PRUNE2: variants seen among roughly 807,000 people sequenced by gnomAD.
The protein encoded by PRUNE2 is prune homolog 2 with BCH domain.
In PRUNE2, 164 loss-of-function variants were observed where a neutral mutation model predicts 252.0. The observed-to-expected ratio is 0.65, with a 90% CI of 0.57 to 0.74. The LOEUF (loss-of-function observed/expected upper bound fraction) is 0.74, where lower values mean the gene tolerates loss of function less well. PRUNE2 is among the 30% of genes least tolerant of loss of function. PRUNE2 has a pLI of 0.00. For missense variants in PRUNE2, 3,495 were observed against 3,711.0 expected (o/e 0.94, Z 1.51); for synonymous variants, 1,292 against 1,350.2 (o/e 0.96, Z 0.94).
At chr9:76,789,509 C>G (rs1166798638) in intron 6 of PRUNE2, among the ~76,000 whole-genome samples, 1 of 152,182 alleles carries the variant, frequency 6.6e-6, no homozygotes, top group Admixed American at 6.5e-5. Context: ...GAGGCCTCTC[C>G]TCTGCAAATA....
intron 1 of PRUNE2, among the ~76,000 whole-genome samples, chr9:76,864,902 C>T (rs2060751477): frequency 2.0e-5 from 3 of 152,174 alleles, no homozygotes; most frequent in Admixed American, 6.5e-5. Flanking sequence ...GGAACAATTG[C>T]CTTAAAGAGG....
intron 16 of PRUNE2, among the ~76,000 whole-genome samples, chr9:76,625,584 T>C (rs1834340799): frequency 6.6e-6 from 1 of 152,248 alleles, no homozygotes; most frequent in Admixed American, 6.5e-5. Flanking sequence ...TTTATAAATA[T>C]ATGCAGTCAA....
At chr9:76,732,040 C>T (rs767153871) in intron 6 of PRUNE2, among the ~76,000 whole-genome samples, 2 of 152,142 alleles carry the variant, frequency 1.3e-5, no homozygotes, top group Non-Finnish European at 2.9e-5. Context: ...CTTGGCCGGG[C>T]GCGGTGGCTC....
intron 2 of PRUNE2, among the ~76,000 whole-genome samples, chr9:76,853,655 T>C (rs918457066): frequency 5.3e-5 from 8 of 152,216 alleles, no homozygotes; most frequent in African/African-American, 1.7e-4. Context: ...TACTCGTCAC[T>C]GAAAACTCTA....
At chr9:76,820,137 AC>A (rs2057952062) in intron 6 of PRUNE2, among the ~76,000 whole-genome samples, 1 of 152,156 alleles carries the variant, frequency 6.6e-6, no homozygotes, top group Non-Finnish European at 1.5e-5. Context: ...ATCTTTTCCC[AC>A]AGTCCCCTTA....
intron 9 of PRUNE2, among the ~76,000 whole-genome samples, chr9:76,663,233 T>C (rs1026628899): frequency 1.3e-5 from 2 of 152,208 alleles, no homozygotes; most frequent in African/African-American, 4.8e-5. Flanking sequence ...TAACGCTCTT[T>C]AGCAACAGTT....
At chr9:76,715,105 A>C (rs1033345344) in intron 6 of PRUNE2, among the ~76,000 whole-genome samples, 2 of 152,232 alleles carry the variant, frequency 1.3e-5, no homozygotes, top group Non-Finnish European at 2.9e-5. Flanking sequence ...AATGTGTACC[A>C]CAGAAAGTGG....
chr9:76,719,730 C>T lies in PRUNE2; in HGVS notation c.757-6009G>A, dbSNP rs116955235. On this transcript the variant is annotated intron_variant, in intron 6 of 18. Transcript: ENST00000376718. ...TGGTATGATCATGAGTCACTGCAGA[C>T]TCAACCTCCTAGGCTCAAGCTGTTC... Among the ~76,000 whole-genome samples the T allele has an allele frequency of 3.6e-3, 554 of 152,116 alleles. 2 individuals carry two copies. Among genetic ancestry groups the T allele is most frequent in the Non-Finnish European group, 6.3e-3 (431 of 67,986 alleles).
At chr9:76,816,034 C>A (rs2057670510) in intron 6 of PRUNE2, among the ~76,000 whole-genome samples, 1 of 151,718 alleles carries the variant, frequency 6.6e-6, no homozygotes, top group Admixed American at 6.6e-5. Flanking sequence ...TGGTGGCGGG[C>A]ACCTGTAATC....
intron 6 of PRUNE2, chr9:76,779,775 C>T (rs923963283): frequency 1.3e-5 from 2 of 152,184 alleles, no homozygotes; most frequent in Admixed American, 6.5e-5. Context: ...TCATTTACAT[C>T]GCTAATTGCC....
At chr9:76,730,651 T>C (rs1395929694) in intron 6 of PRUNE2, among the ~76,000 whole-genome samples, 1 of 152,148 alleles carries the variant, frequency 6.6e-6, no homozygotes, top group Non-Finnish European at 1.5e-5. Flanking sequence ...CCTGTAATCC[T>C]GGCATTTTGG....
At chr9:76,772,475 T>C (rs2053219680) in intron 6 of PRUNE2, among the ~76,000 whole-genome samples, 1 of 152,184 alleles carries the variant, frequency 6.6e-6, no homozygotes, top group Non-Finnish European at 1.5e-5. Context: ...AAGCAAACTC[T>C]TAAAGGAAAC....
At chr9:76,796,342 G>A (rs911994121) in intron 6 of PRUNE2, among the ~76,000 whole-genome samples, 4 of 152,060 alleles carry the variant, frequency 2.6e-5, no homozygotes, top group African/African-American at 4.8e-5. Context: ...ATTACCCCAG[G>A]GCACAGGAGA....
chr9:76,713,781 T>C, intron 6 of PRUNE2, 60 bp from the exon 7 acceptor site: 1 of 1,256,706 alleles, frequency 8.0e-7, no homozygotes, highest in Non-Finnish European at 1.1e-6. Context: ...GGGGAGTTGT[T>C]CCACAAATTT....
intron 9 of PRUNE2, among the ~76,000 whole-genome samples, chr9:76,678,009 C>A (rs2042906991): frequency 1.3e-5 from 2 of 152,192 alleles, no homozygotes; most frequent in African/African-American, 4.8e-5. Context: ...GCCCAGAGAA[C>A]CAGCTCCACA....
At chr9:76,641,994 A>C in intron 12 of PRUNE2, 3 of 1,402,554 alleles carry the variant, frequency 2.1e-6, no homozygotes, top group Non-Finnish European at 2.9e-6. Flanking sequence ...TAATGAAATA[A>C]GAGAAGTAAA....
chr9:76,777,520 C>A (rs2053931651), intron 6 of PRUNE2, among the ~76,000 whole-genome samples: 1 of 152,142 alleles, frequency 6.6e-6, no homozygotes, highest in Non-Finnish European at 1.5e-5. Flanking sequence ...CTCCTTTGCG[C>A]CTTCCCAAAT....
At chr9:76,837,914 G>C (rs919167057) in intron 4 of PRUNE2, among the ~76,000 whole-genome samples, 10 of 151,420 alleles carry the variant, frequency 6.6e-5, no homozygotes, top group Non-Finnish European at 1.3e-4. Context: ...TGGGACTACA[G>C]GCGCCTGCCA....
intron 16 of PRUNE2, among the ~76,000 whole-genome samples, chr9:76,625,534 G>A (rs707741): frequency 0.89 from 135,256 of 152,264 alleles, 60,712 homozygotes; most frequent in Non-Finnish European, 0.95. Flanking sequence ...GACATTTGGG[G>A]GAAATCTTAT....
Sources: gnomAD v4.1 joint callset for allele counts (sites outside exome capture counted in the v4.1 genomes callset) on GRCh38, gnomAD v4.1.1 for gene constraint, MANE v1.5 for transcripts, NCBI Gene and HGNC (gene_info 2026-07-23, HGNC 2026-07-21) for gene names.